Variants in TBC1D22A observed in about 807,000 individuals in gnomAD.
The protein encoded by TBC1D22A is putative GTPase activator.
Under a neutral mutation model 60.2 loss-of-function variants are expected in TBC1D22A, and 38 were observed. The ratio of observed to expected loss-of-function variants is 0.63; its 90% CI spans 0.49 to 0.83. The LOEUF (loss-of-function observed/expected upper bound fraction) is 0.83. Ranked by LOEUF, TBC1D22A falls within the 40% of genes least tolerant of loss-of-function variation. The probability of loss-of-function intolerance (pLI) is 0.00; values close to 1 mark genes in which losing one functional copy is unlikely to be tolerated. For missense variants in TBC1D22A, 628 were observed against 701.0 expected (o/e 0.90, Z 1.18); for synonymous variants, 302 against 281.7 (o/e 1.07, Z -0.72).
intron 4 of TBC1D22A, among the ~76,000 whole-genome samples, chr22:46,860,546 A>T (rs1399397855): frequency 3.2e-5 from 4 of 126,312 alleles, no homozygotes; most frequent in African/African-American, 1.2e-4. Flanking sequence ...TCCTGGGACC[A>T]GAATCCTTTT....
At chr22:46,839,417 T>TA (rs533915278) in intron 4 of TBC1D22A, among the ~76,000 whole-genome samples, 46 of 151,958 alleles carry the variant, frequency 3.0e-4, no homozygotes, top group Admixed American at 1.7e-3. Context: ...TTACACTGAA[T>TA]ACTTTAACAG....
chr22:46,865,105 G>T (rs2066988927), intron 4 of TBC1D22A, among the ~76,000 whole-genome samples: 1 of 152,078 alleles, frequency 6.6e-6, no homozygotes, highest in Non-Finnish European at 1.5e-5. Flanking sequence ...ACCTCCATTG[G>T]CTCCTCAGCA....
chr22:46,971,139 C>T (rs77754318), intron 8 of TBC1D22A, among the ~76,000 whole-genome samples: 1 of 152,214 alleles, frequency 6.6e-6, no homozygotes, highest in Non-Finnish European at 1.5e-5. Flanking sequence ...TACTTCATTA[C>T]CTTGAAGAGT....
intron 11 of TBC1D22A, among the ~76,000 whole-genome samples, chr22:47,078,994 A>G (rs985604690): frequency 6.6e-6 from 1 of 151,892 alleles, no homozygotes; most frequent in Admixed American, 6.6e-5. Context: ...CCCTCTCTAA[A>G]CACCCTGTAT....
At chr22:47,079,851 G>A (rs1381706644) in intron 11 of TBC1D22A, among the ~76,000 whole-genome samples, 1 of 152,180 alleles carries the variant, frequency 6.6e-6, no homozygotes, top group Admixed American at 6.5e-5. Context: ...AGAGTGAATA[G>A]ACAAGCAAGA....
chr22:46,791,923 G>A (rs1014050918), intron 1 of TBC1D22A, among the ~76,000 whole-genome samples: 37 of 152,084 alleles, frequency 2.4e-4, no homozygotes, highest in Non-Finnish European at 7.4e-5. Context: ...ACCATGCCCA[G>A]CTAATTTTTG....
chr22:47,015,634 G>A (rs1347402935), intron 10 of TBC1D22A, among the ~76,000 whole-genome samples: 1 of 152,180 alleles, frequency 6.6e-6, no homozygotes, highest in Non-Finnish European at 1.5e-5. Flanking sequence ...TTACTGTGCG[G>A]TGTCCATGCG....
chr22:47,084,106 A>G (rs1398433600), intron 11 of TBC1D22A, among the ~76,000 whole-genome samples: 6 of 152,222 alleles, frequency 3.9e-5, no homozygotes, highest in East Asian at 1.9e-4. Flanking sequence ...GGTATTCCAC[A>G]CTTAAGTCAT....
intron 11 of TBC1D22A, among the ~76,000 whole-genome samples, chr22:47,098,745 G>A (rs1244754889): frequency 6.6e-6 from 1 of 152,236 alleles, no homozygotes; most frequent in Non-Finnish European, 1.5e-5. Flanking sequence ...GTTCCTCCCT[G>A]TTGCCCGTTA....
At chr22:47,059,810 T>C (rs372767983) in intron 11 of TBC1D22A, among the ~76,000 whole-genome samples, 25 of 152,210 alleles carry the variant, frequency 1.6e-4, no homozygotes, top group African/African-American at 5.8e-4. Flanking sequence ...AGGGATCTTA[T>C]GATTATTACT....
intron 5 of TBC1D22A, 51 bp from the exon 6 acceptor site, chr22:46,891,215 C>T (rs1038062456): frequency 2.6e-6 from 4 of 1,538,804 alleles, no homozygotes; most frequent in African/African-American, 1.4e-5. Context: ...ATAATAGGGA[C>T]TCCATGAATT....
chr22:46,791,537 T>TG (rs2084407085), intron 1 of TBC1D22A, among the ~76,000 whole-genome samples: 1 of 151,880 alleles, frequency 6.6e-6, no homozygotes, highest in Admixed American at 6.6e-5. Flanking sequence ...GCCTGTTTTT[T>TG]TTTTTTTTTT....
chr22:46,950,980 G>C (rs747289761), intron 8 of TBC1D22A, among the ~76,000 whole-genome samples: 7 of 152,106 alleles, frequency 4.6e-5, no homozygotes, highest in Non-Finnish European at 5.9e-5. Flanking sequence ...CCTGAAATAC[G>C]TGTGTGAGTC....
At chr22:47,038,206 G>C (rs750470840) in intron 11 of TBC1D22A, among the ~76,000 whole-genome samples, 72 of 152,220 alleles carry the variant, frequency 4.7e-4, no homozygotes, top group Admixed American at 1.2e-3. Flanking sequence ...AGAAAGAAGC[G>C]TATGGCTGGT....
At position 46,912,059 on chromosome 22, in the gene TBC1D22A, T is replaced by A; in HGVS notation, c.901-15T>A. On this transcript the variant is annotated splice_polypyrimidine_tract_variant and intron_variant, in intron 7 of 12. Transcript: ENST00000337137. The stretch of plus-strand genomic sequence containing the variant: ...GTTTACTTTTTGCTTTACCACCTGT[T>A]CCATTTTCTTTCAGATTTTTGAAAG... The A allele has an allele frequency of 1.9e-6, 3 of 1,599,154 alleles. No homozygotes were observed. The highest frequency in any genetic ancestry group is 2.6e-6 in the Non-Finnish European group (3 of 1,169,690).
At chr22:47,133,308 A>C (rs1818897432) in intron 12 of TBC1D22A, among the ~76,000 whole-genome samples, 1 of 152,218 alleles carries the variant, frequency 6.6e-6, no homozygotes, top group South Asian at 2.1e-4. Context: ...ATAAGGAAAA[A>C]TAGACGTAGT....
chr22:46,829,110 C>A (rs1324687004), intron 4 of TBC1D22A, among the ~76,000 whole-genome samples: 2 of 152,190 alleles, frequency 1.3e-5, no homozygotes, highest in African/African-American at 4.8e-5. Flanking sequence ...CGCTTCTGTG[C>A]ATTCTCCAAG....
chr22:47,158,896 C>G (rs1389033975), intron 12 of TBC1D22A, among the ~76,000 whole-genome samples: 1 of 152,002 alleles, frequency 6.6e-6, no homozygotes, highest in Non-Finnish European at 1.5e-5. Context: ...CACACACACA[C>G]CACAGTTACC....
chr22:47,029,497 T>A (rs1407111925), intron 10 of TBC1D22A, among the ~76,000 whole-genome samples: 1 of 152,178 alleles, frequency 6.6e-6, no homozygotes, highest in Non-Finnish European at 1.5e-5. Flanking sequence ...ACCTCCCTCC[T>A]CTTCCCTCCC....
Sources: allele counts gnomAD v4.1 joint callset (sites outside exome capture counted in the v4.1 genomes callset), GRCh38; gene constraint gnomAD v4.1.1; transcripts MANE v1.5; gene names NCBI Gene and HGNC (gene_info 2026-07-23, HGNC 2026-07-21).